KLHDC2: variants seen among roughly 807,000 people sequenced by gnomAD.
The protein encoded by KLHDC2 is kelch domain containing 2.
Under a neutral mutation model 62.3 loss-of-function variants are expected in KLHDC2, and 38 were observed. The ratio of observed to expected loss-of-function variants is 0.61; its 90% CI spans 0.47 to 0.80. The LOEUF (loss-of-function observed/expected upper bound fraction) is 0.80, where lower values mean the gene tolerates loss of function less well. Ranked by LOEUF, KLHDC2 falls within the 30% of genes least tolerant of loss-of-function variation. The pLI is 0.00. For synonymous variants in KLHDC2, 159 were observed against 161.0 expected (o/e 0.99, Z 0.09); for missense variants, 430 against 495.3 (o/e 0.87, Z 1.25).
intron 1 of KLHDC2, 54 bp downstream of exon 1, chr14:49,768,675 C>T: frequency 1.4e-6 from 2 of 1,470,566 alleles, no homozygotes; most frequent in Non-Finnish European, 1.8e-6. Context: ...CTCGGGTCTG[C>T]GTTCGCGGCC....
chr14:49,774,633 G>A lies in KLHDC2; in HGVS notation c.306G>A (p.Val102=). ...GCTGTGCTGTGTGTGTAGACAGGGT[G>A]CTGTACTTGTTTGGAGGACACCATT... is the stretch of plus-strand genomic sequence containing the variant. The part of the protein sequence containing the change: ...SGSCAVCVDR[V]LYLFGGHHSR... The change falls in exon 3 of 13, where the codon GTG becomes GTA. Residue 102 remains valine (V), a synonymous_variant. Transcript: ENST00000298307. 1 of 1,613,610 alleles carries A rather than the reference G, an allele frequency of 6.2e-7. No homozygotes were observed. Among genetic ancestry groups the A allele is most frequent in the Non-Finnish European group, 8.5e-7 (1 of 1,179,580 alleles).
chr14:49,774,643 T>C lies in KLHDC2; in HGVS notation c.316T>C (p.Phe106Leu), dbSNP rs1460586015. 6.2e-7 allele frequency: 1 copy of C among 1,612,278 alleles called. No homozygotes were observed. Among genetic ancestry groups the C allele is most frequent in the Admixed American group, 1.7e-5 (1 of 60,014 alleles). ...AVCVDRVLYLFGGHHSRGNTN... is the reference protein window; with the variant it reads ...AVCVDRVLYLLGGHHSRGNTN... ...GTGTGTAGACAGGGTGCTGTACTTGTTTGGAGGACACCATTCAAGAGGCAA... is the reference window on the plus strand; with the variant it reads ...GTGTGTAGACAGGGTGCTGTACTTGCTTGGAGGACACCATTCAAGAGGCAA... Residue 106 changes from phenylalanine to leucine, a missense_variant, in exon 3 of 13, where the codon TTT (phenylalanine) becomes CTT (leucine). Coordinates refer to ENST00000298307, the MANE Select transcript of KLHDC2 (RefSeq NM_014315.3).
At chr14:49,778,314 T>C in intron 5 of KLHDC2, 55 bp downstream of exon 5, 2 of 1,361,090 alleles carry the variant, frequency 1.5e-6, no homozygotes, top group South Asian at 2.5e-5. Flanking sequence ...AAATAATACA[T>C]TTTATAAGTT....
In KLHDC2 at chr14:49,782,351, G is replaced by C; in HGVS notation, c.957-19G>C. The C allele has an allele frequency of 6.3e-7, 1 of 1,585,888 alleles. No individual in the cohort carries two copies. Among genetic ancestry groups the C allele is most frequent in the Non-Finnish European group, 8.6e-7 (1 of 1,161,610 alleles). On this transcript the variant is annotated intron_variant, in intron 10 of 12. Transcript: ENST00000298307. ...TGGTGTTCTGGGTGGCTTCAAACTC[G>C]TTTTTGTTTTAAATGCAGGTTATGG...
chr14:49,781,060 A>G (rs1266880938), intron 10 of KLHDC2, among the ~76,000 whole-genome samples: 1 of 152,212 alleles, frequency 6.6e-6, no homozygotes, highest in Non-Finnish European at 1.5e-5. Flanking sequence ...AATGAGTTGA[A>G]CTGCATCTAA....
At chr14:49,779,542 G>A (rs1456798998) in intron 6 of KLHDC2, 53 bp from the exon 7 acceptor site, 3 of 1,343,164 alleles carry the variant, frequency 2.2e-6, no homozygotes, top group Non-Finnish European at 3.2e-6. Flanking sequence ...GTAGACATAG[G>A]TATTTTCCCT....
At position 49,783,714 on chromosome 14, in the gene KLHDC2, A is replaced by C. The variant is rs1044157883; in HGVS notation, c.*761A>C. The stretch of plus-strand genomic sequence containing the variant: ...GTGCTATATTGGTAATTAATTACTA[A>C]AGGTGGAAATTAAAATGGTACAGAA... On this transcript the variant is annotated 3_prime_UTR_variant, in exon 13 of 13. Transcript: ENST00000298307. 5 of 152,148 alleles carry C rather than the reference A, an allele frequency of 3.3e-5. No individual in the cohort carries two copies. The highest frequency in any genetic ancestry group is 1.2e-4 in the African/African-American group (5 of 41,428). The allele number at this position is 152,148 out of a possible 1,614,324, so 9.4% of individuals were successfully genotyped here.
In KLHDC2 at chr14:49,782,454, A is replaced by G. The variant is rs1889950196; in HGVS notation, c.1041A>G (p.Arg347=). The change falls in exon 11 of 13, where the codon AGA becomes AGG. Residue 347 remains arginine (R), a synonymous_variant. Transcript: ENST00000298307. ...GCANNLLVHH[R]AAHSNEILIF... ...CCAACAACTTGCTTGTCCATCACAG[A>G]GCTGTAAGTATACTACCTTCACATT... The G allele has an allele frequency of 6.2e-7, 1 of 1,609,976 alleles. No individual in the cohort carries two copies. Among genetic ancestry groups the G allele is most frequent in the Non-Finnish European group, 8.5e-7 (1 of 1,176,760 alleles).
chr14:49,771,038 T>C (rs1478618089), intron 1 of KLHDC2, among the ~76,000 whole-genome samples: 2 of 152,066 alleles, frequency 1.3e-5, no homozygotes, highest in African/African-American at 4.8e-5. Flanking sequence ...AGGATAAAGC[T>C]GCCTTAGAGA....
At chr14:49,778,912 G>C (rs543451401) in intron 6 of KLHDC2, among the ~76,000 whole-genome samples, 7 of 152,122 alleles carry the variant, frequency 4.6e-5, no homozygotes, top group African/African-American at 1.2e-4. Context: ...TTTTAGTAGA[G>C]ACGGGTTTCA....
intron 11 of KLHDC2, 40 bp downstream of exon 11, chr14:49,782,497 G>T: frequency 6.3e-7 from 1 of 1,596,064 alleles, no homozygotes; most frequent in East Asian, 2.2e-5. Context: ...AAACTTACTT[G>T]CAAAGCATTT....
At chr14:49,778,331 A>G in intron 5 of KLHDC2, 72 bp downstream of exon 5, 1 of 1,359,014 alleles carries the variant, frequency 7.4e-7, no homozygotes, top group Non-Finnish European at 1.0e-6. Flanking sequence ...AGTTTTGTGC[A>G]TTTTTCTTTG....
At chr14:49,781,375 A>C (rs1409699800) in intron 10 of KLHDC2, among the ~76,000 whole-genome samples, 7 of 151,844 alleles carry the variant, frequency 4.6e-5, no homozygotes, top group Non-Finnish European at 1.0e-4. Flanking sequence ...GTCTCAAAAA[A>C]AAAAAAAAAA....
intron 1 of KLHDC2, 145 bp downstream of exon 1, chr14:49,768,766 GTTT>G: frequency 6.6e-6 from 4 of 608,952 alleles, no homozygotes; most frequent in South Asian, 5.4e-5. Context: ...CCCGTTGGTT[GTTT>G]TTTTTTTGCG....
chr14:49,781,557 C>T (rs146943966), intron 10 of KLHDC2, among the ~76,000 whole-genome samples: 1 of 151,998 alleles, frequency 6.6e-6, no homozygotes, highest in African/African-American at 2.4e-5. Flanking sequence ...GGCAAAACCC[C>T]ATCTCTACAA....
intron 12 of KLHDC2, 72 bp downstream of exon 12, chr14:49,782,666 CTAGGTTTATGGATTATT>C: frequency 7.2e-7 from 1 of 1,395,050 alleles, no homozygotes; most frequent in Non-Finnish European, 9.8e-7. Context: ...TCTCGAAAAA[CTAGGTTTATGGATTATT>C]TAAGGGCAAT....
chr14:49,785,787 A>G lies in KLHDC2; in HGVS notation c.*2834A>G, dbSNP rs1890145255. 1 of 152,606 alleles carries G rather than the reference A, an allele frequency of 6.6e-6. No individual in the cohort carries two copies. The highest frequency in any genetic ancestry group is 1.4e-5 in the Non-Finnish European group (1 of 71,310). The allele number at this position is 152,606 out of a possible 1,614,324, so 9.5% of individuals were successfully genotyped here. ...GTAGTCCCAGCTACTCGGAAGACTGAGGGGGGGAGGATCACCTGAGCCCAG... is the reference window on the plus strand; with the variant it reads ...GTAGTCCCAGCTACTCGGAAGACTGGGGGGGGGAGGATCACCTGAGCCCAG... On this transcript the variant is annotated 3_prime_UTR_variant, in exon 13 of 13. Coordinates refer to ENST00000298307, the MANE Select transcript of KLHDC2 (RefSeq NM_014315.3).
intron 1 of KLHDC2, among the ~76,000 whole-genome samples, chr14:49,770,448 A>C (rs762789194): frequency 6.6e-6 from 1 of 152,142 alleles, no homozygotes; most frequent in Non-Finnish European, 1.5e-5. Flanking sequence ...TACGTGGTCA[A>C]CTGTTCTGTT....
intron 1 of KLHDC2, 56 bp downstream of exon 1, chr14:49,768,677 T>C (rs1190498501): frequency 6.8e-7 from 1 of 1,470,450 alleles, no homozygotes; most frequent in Non-Finnish European, 9.0e-7. Context: ...CGGGTCTGCG[T>C]TCGCGGCCAG....
Sources: allele counts gnomAD v4.1 joint callset (sites outside exome capture counted in the v4.1 genomes callset), GRCh38; gene constraint gnomAD v4.1.1; transcripts MANE v1.5; gene names NCBI Gene and HGNC (gene_info 2026-07-23, HGNC 2026-07-21).